LTBP2: variants seen among roughly 807,000 people sequenced by gnomAD.
LTBP2 encodes latent-transforming growth factor beta-binding protein 2.
A neutral mutation model predicts 210.6 loss-of-function variants in LTBP2; 103 were observed. The ratio of observed to expected loss-of-function variants is 0.49; its 90% CI spans 0.42 to 0.58. The LOEUF is 0.58. Among genes scored for constraint, LTBP2 ranks in the 20% least tolerant of loss-of-function variants. The pLI is 0.00. For missense variants in LTBP2, 2,313 were observed against 2,494.5 expected, an observed-to-expected ratio of 0.93 and a Z score of 1.55; for synonymous variants, 1,007 against 1,015.0, an observed-to-expected ratio of 0.99 and a Z score of 0.15.
At position 74,585,971 on chromosome 14, in the gene LTBP2, C is replaced by A; in HGVS notation, c.713G>T (p.Arg238Leu). The change falls in exon 3 of 36, where the codon CGC (arginine) becomes CTC (leucine). Residue 238 changes from arginine to leucine, a missense_variant. By Grantham distance (102) the Arg-to-Leu change is moderately radical. Coordinates refer to ENST00000261978, the MANE Select transcript of LTBP2 (RefSeq NM_000428.3). ...DPQNSRLAPRRWAERSPNLRR... is the reference protein window; with the variant it reads ...DPQNSRLAPRLWAERSPNLRR... ...CAGGTTGGGTGAACGCTCGGCCCAG[C>A]GTCGAGGTGCCAGCCTGGAGTTCTG... The A allele has an allele frequency of 3.1e-6, 5 of 1,613,234 alleles. No individual in the cohort carries two copies. The highest frequency in any genetic ancestry group is 4.2e-6 in the Non-Finnish European group (5 of 1,179,666).
intron 13 of LTBP2, among the ~76,000 whole-genome samples, chr14:74,527,117 T>A (rs2087283194): frequency 6.6e-6 from 1 of 152,230 alleles, no homozygotes; most frequent in African/African-American, 2.4e-5. Context: ...GGAAAATGCT[T>A]GCACAATGGC....
At chr14:74,543,296 T>C (rs2087533269) in intron 8 of LTBP2, among the ~76,000 whole-genome samples, 1 of 143,904 alleles carries the variant, frequency 6.9e-6, no homozygotes, top group Non-Finnish European at 1.5e-5. Flanking sequence ...GAGAATGGCA[T>C]GAACCCAGGA....
intron 9 of LTBP2, among the ~76,000 whole-genome samples, chr14:74,535,054 C>T (rs964944087): frequency 6.6e-6 from 1 of 152,154 alleles, no homozygotes; most frequent in African/African-American, 2.4e-5. Flanking sequence ...CCTACATCCA[C>T]TGTCTGCTTG....
chr14:74,587,591 C>T (rs896179819), intron 2 of LTBP2, among the ~76,000 whole-genome samples: 4 of 151,676 alleles, frequency 2.6e-5, no homozygotes, highest in Admixed American at 6.6e-5. Flanking sequence ...CTCGAGAAGC[C>T]GCCAGAGACC....
chr14:74,598,341 A>G (rs1225439757), intron 2 of LTBP2, among the ~76,000 whole-genome samples: 2 of 152,202 alleles, frequency 1.3e-5, no homozygotes, highest in Admixed American at 6.5e-5. Context: ...ACGCAGAGAA[A>G]TGCTCAGGCC....
rs1423824699 is a variant in LTBP2 at position 74,506,799 on chromosome 14, G to T, written c.3932C>A (p.Thr1311Asn). The T allele has an allele frequency of 1.2e-6, 2 of 1,614,100 alleles. No individual in the cohort carries two copies. The highest frequency in any genetic ancestry group is 2.2e-5 in the East Asian group (1 of 44,878). The change falls in exon 27 of 36, where the codon ACC becomes AAC. Residue 1311 changes from threonine to asparagine, a missense_variant. This residue lies in a region of LTBP2 where 1,867 missense variants were observed against 1,976.9 expected (regional missense o/e 0.94). Transcript: ENST00000261978. The part of the protein sequence containing the change: ...CIDIDECAND[T>N]MCGSHGFCDN... ...ACAGAAGCCGTGGCTGCCACACATG[G>T]TGTCGTTGGCGCACTCGTCTATGTC...
chr14:74,526,154 C>T, intron 13 of LTBP2, 40 bp from the exon 14 acceptor site: 2 of 1,574,388 alleles, frequency 1.3e-6, no homozygotes, highest in Non-Finnish European at 8.6e-7. Flanking sequence ...GGCTCCTCTG[C>T]CGTACCTGTG....
Position 74,611,730 on chromosome 14 carries a change from A to G in LTBP2, c.215T>C (p.Phe72Ser), listed in dbSNP as rs762446765. The G allele has an allele frequency of 6.2e-7, 1 of 1,601,596 alleles. No individual in the cohort carries two copies. The highest frequency in any genetic ancestry group is 2.2e-5 in the East Asian group (1 of 44,728). Reference protein sequence around the residue: ...AAAAAKVYSLFREQDAPVAGL... With the variant: ...AAAAAKVYSLSREQDAPVAGL... Reference sequence around the variant, plus strand: ...CGCGACAGGCGCGTCCTGCTCCCGGAACAGACTGTACACCTTGGCTGCAGC... The same window carrying G: ...CGCGACAGGCGCGTCCTGCTCCCGGGACAGACTGTACACCTTGGCTGCAGC... The change falls in exon 1 of 36, where the codon TTC becomes TCC. Residue 72 changes from phenylalanine (F) to serine (S), a missense_variant. Phe to Ser is a radical substitution (Grantham distance 155). Around this residue, in one of 3 missense-constraint regions of LTBP2, gnomAD observed 1,867 missense variants for 1,976.9 expected, o/e 0.94. Transcript: ENST00000261978.
intron 1 of LTBP2, among the ~76,000 whole-genome samples, chr14:74,604,164 C>CAAACAAAAAAAAAAAAA (rs1273987376): frequency 1.4e-5 from 1 of 72,748 alleles, no homozygotes; most frequent in African/African-American, 7.5e-5. Context: ...TGCCTCTCAC[C>CAAACAAAAAAAAAAAAA]AAAAAAAAAA....
rs1015632057 is a variant in LTBP2, at chr14:74,514,786, T to C, written c.2908+2036A>G. Among the ~76,000 whole-genome samples the C allele has an allele frequency of 2.0e-5, 3 of 152,214 alleles. 1 individual carries two copies. The highest frequency in any genetic ancestry group is 7.2e-5 in the African/African-American group (3 of 41,448). ...CAGTTTCAGTGGCGAGAGTGGTTTC[T>C]GAGTTGGAGAAAGAAGAAAGAGGGA... On this transcript the variant is annotated intron_variant, in intron 18 of 35. Coordinates refer to ENST00000261978, the MANE Select transcript of LTBP2 (RefSeq NM_000428.3).
At chr14:74,549,076 C>A (rs1211394296) in intron 8 of LTBP2, among the ~76,000 whole-genome samples, 1 of 152,206 alleles carries the variant, frequency 6.6e-6, no homozygotes, top group East Asian at 1.9e-4. Flanking sequence ...GCTGATTGAC[C>A]AAGCTGACTG....
chr14:74,601,737 G>T (rs2088450584), intron 2 of LTBP2, among the ~76,000 whole-genome samples: 1 of 152,204 alleles, frequency 6.6e-6, no homozygotes. Flanking sequence ...CAAGTGGGGT[G>T]TTAGGACAAC....
chr14:74,603,785 T>A lies in LTBP2; in HGVS notation c.495-80A>T, dbSNP rs968555801. The A allele has an allele frequency of 8.3e-6, 10 of 1,208,138 alleles. No homozygotes were observed. In the East Asian group the frequency reaches 2.3e-4, roughly 28 times the overall value. 74.8% of individuals were successfully genotyped at this position (1,208,138 alleles called of 1,614,324 possible). On this transcript the variant is annotated intron_variant, in intron 1 of 35. Transcript: ENST00000261978. ...TCACAGCCCCTCCGACAGTCCCACC[T>A]TCTAGAGGCAGGGCCTGGAGGAACA...
chr14:74,604,782 C>T (rs995149682), intron 1 of LTBP2, among the ~76,000 whole-genome samples: 23 of 152,146 alleles, frequency 1.5e-4, no homozygotes, highest in Non-Finnish European at 1.2e-4. Flanking sequence ...TGAGCCACTG[C>T]GCCCAGCCCT....
intron 17 of LTBP2, among the ~76,000 whole-genome samples, chr14:74,520,670 A>T (rs2087190482): frequency 6.6e-6 from 1 of 152,254 alleles, no homozygotes; most frequent in East Asian, 1.9e-4. Context: ...GCGTGGTGGC[A>T]GGCGCCTGTA....
Position 74,611,460 on chromosome 14 carries a change from C to A in LTBP2, c.485G>T (p.Arg162Leu). Residue 162 changes from arginine to leucine, a missense_variant, in exon 1 of 36, where the codon CGG becomes CTG. Around this residue, in one of 3 missense-constraint regions of LTBP2, gnomAD observed 1,867 missense variants for 1,976.9 expected, o/e 0.94. Coordinates refer to ENST00000261978, the MANE Select transcript of LTBP2 (RefSeq NM_000428.3). The stretch of plus-strand genomic sequence containing the variant: ...CCTCTCCCATGCTCACCCCGTGAGC[C>A]GCCCTCGCGGCGGGGTTGGGGGCGC... ...GAAPPTPPRG[R>L]LTGRNVCGGQ... 6.7e-7 allele frequency: 1 copy of A among 1,491,734 alleles called. No individual in the cohort carries two copies. Among genetic ancestry groups the A allele is most frequent in the Non-Finnish European group, 8.8e-7 (1 of 1,132,824 alleles). 92.4% of individuals were successfully genotyped at this position (1,491,734 alleles called of 1,614,324 possible).
intron 12 of LTBP2, 138 bp downstream of exon 12, chr14:74,528,345 C>G: frequency 1.0e-6 from 1 of 977,534 alleles, no homozygotes; most frequent in Non-Finnish European, 1.6e-6. Flanking sequence ...GGGTTGGGTG[C>G]TGCTGCTCCA....
At chr14:74,555,284 G>C (rs1204014102) in intron 4 of LTBP2, among the ~76,000 whole-genome samples, 2 of 152,120 alleles carry the variant, frequency 1.3e-5, no homozygotes, top group African/African-American at 4.8e-5. Context: ...AGCAGTCTAG[G>C]TCTAAAGGTT....
Position 74,552,326 on chromosome 14 carries a change from G to A in LTBP2, c.1260C>T (p.Ala420=). The A allele has an allele frequency of 6.2e-7, 1 of 1,612,724 alleles. No homozygotes were observed. The highest frequency in any genetic ancestry group is 1.7e-5 in the Admixed American group (1 of 60,032). The stretch of plus-strand genomic sequence containing the variant: ...GGTGGCAGAACTTCCCGGTGGAGTT[G>A]GCGGGGCACCAGCATTCGTCCCTGC... ...CIGRDECWCP[A]NSTGKFCHLP... Residue 420 remains alanine, a synonymous_variant, in exon 6 of 36, where the codon GCC becomes GCT. Coordinates refer to ENST00000261978, the MANE Select transcript of LTBP2 (RefSeq NM_000428.3).
Sources: gnomAD v4.1 joint callset for allele counts (sites outside exome capture counted in the v4.1 genomes callset) on GRCh38, gnomAD v4.1.1 for gene constraint, gnomAD v4.1.1 regional missense constraint, MANE v1.5 for transcripts, NCBI Gene and HGNC (gene_info 2026-07-23, HGNC 2026-07-21) for gene names.